MEGF11: variants seen among roughly 807,000 people sequenced by gnomAD.
MEGF11 encodes multiple EGF like domains 11, also known as multiple epidermal growth factor-like domains protein 11.
Under a neutral mutation model 146.6 loss-of-function variants are expected in MEGF11, and 126 were observed. The observed-to-expected ratio is 0.86, with a 90% CI of 0.74 to 1.00. The LOEUF is 1.00. Among genes scored for constraint, MEGF11 ranks in the 50% least tolerant of loss-of-function variants. The pLI, the probability that MEGF11 is intolerant of heterozygous loss-of-function variation, is 0.00. For missense variants in MEGF11, 1,509 were observed against 1,521.2 expected (o/e 0.99, Z 0.13); for synonymous variants, 532 against 583.4 (o/e 0.91, Z 1.27).
intron 5 of MEGF11, among the ~76,000 whole-genome samples, chr15:65,987,139 T>A (rs147129194): frequency 7.6e-4 from 115 of 152,314 alleles, no homozygotes; most frequent in East Asian, 4.2e-3. Context: ...ACCACCGTCT[T>A]CTTCACCGAC....
intron 1 of MEGF11, among the ~76,000 whole-genome samples, chr15:66,137,348 C>T (rs924234787): frequency 2.0e-5 from 3 of 152,068 alleles, no homozygotes; most frequent in African/African-American, 7.2e-5. Context: ...AATTCACCGA[C>T]GTGGGAAGAT....
chr15:66,026,585 G>A (rs900982846), intron 5 of MEGF11, among the ~76,000 whole-genome samples: 1 of 152,158 alleles, frequency 6.6e-6, no homozygotes, highest in Non-Finnish European at 1.5e-5. Context: ...CCTGCTTCAA[G>A]GGATTCTCCT....
At chr15:65,950,341 T>C (rs2080353866) in intron 10 of MEGF11, among the ~76,000 whole-genome samples, 1 of 152,008 alleles carries the variant, frequency 6.6e-6, no homozygotes, top group East Asian at 1.9e-4. Context: ...ATCCAACATT[T>C]TGGGAGGCCA....
rs539502328 is a variant in MEGF11 at position 65,955,941 on chromosome 15, C to T, written c.1287+1606G>A. ...ACTTCACATCTCAATTCAGAACTAG[C>T]CACATTTCAGTTTGAACAATGTTTT... On this transcript the variant is annotated intron_variant, in intron 10 of 25. Transcript: ENST00000395614. 4.1e-5 allele frequency among the ~76,000 whole-genome samples: 6 copies of T among 145,826 alleles called. No homozygotes were observed. The South Asian group carries it at 1.3e-3, about 32-fold the overall frequency.
At chr15:65,937,644 T>A (rs1200644082) in intron 10 of MEGF11, among the ~76,000 whole-genome samples, 1 of 152,220 alleles carries the variant, frequency 6.6e-6, no homozygotes, top group Non-Finnish European at 1.5e-5. Context: ...ATTGGACAAA[T>A]ACAATTTGGC....
At chr15:65,974,515 C>T (rs11633616) in intron 7 of MEGF11, among the ~76,000 whole-genome samples, 7,218 of 152,104 alleles carry the variant, frequency 0.047, 271 homozygotes, top group Non-Finnish European at 0.069. Flanking sequence ...AAAAATCAGG[C>T]GTGATGGCAG....
chr15:66,149,208 A>G (rs1272156676), intron 1 of MEGF11, among the ~76,000 whole-genome samples: 1 of 152,232 alleles, frequency 6.6e-6, no homozygotes, highest in Non-Finnish European at 1.5e-5. Flanking sequence ...CTCTACTGGA[A>G]GAATCATAAA....
chr15:66,198,945 A>T lies in MEGF11; in HGVS notation c.-9+54660T>A, dbSNP rs1401098991. 3.9e-5 allele frequency among the ~76,000 whole-genome samples: 6 copies of T among 152,188 alleles called. 1 individual carries two copies. In the South Asian group the frequency reaches 1.2e-3, roughly 32 times the overall value. On this transcript the variant is annotated intron_variant, in intron 1 of 25. Coordinates refer to ENST00000395614, the MANE Select transcript of MEGF11 (RefSeq NM_001385028.1). ...CTGACTTTCAAATCACTTGTAAAAA[A>T]GTTAAATAATCATCTCTGGAGTAAG... is the stretch of plus-strand genomic sequence containing the variant.
intron 22 of MEGF11, among the ~76,000 whole-genome samples, chr15:65,909,339 C>T (rs2141176156): frequency 6.6e-6 from 1 of 152,100 alleles, no homozygotes; most frequent in East Asian, 1.9e-4. Flanking sequence ...CCTTGTTTCC[C>T]CTCTCCTTCC....
chr15:66,075,269 C>G (rs1255802578), intron 5 of MEGF11, among the ~76,000 whole-genome samples: 1 of 152,214 alleles, frequency 6.6e-6, no homozygotes, highest in Non-Finnish European at 1.5e-5. Flanking sequence ...CTAGAGAATT[C>G]TATCAGATTA....
At chr15:66,084,180 G>A (rs1299663332) in intron 5 of MEGF11, among the ~76,000 whole-genome samples, 8 of 152,106 alleles carry the variant, frequency 5.3e-5, no homozygotes, top group Non-Finnish European at 7.4e-5. Context: ...GTCAGTCACC[G>A]ACACAAACAT....
chr15:66,006,041 T>C (rs1229556435), intron 5 of MEGF11, among the ~76,000 whole-genome samples: 1 of 152,188 alleles, frequency 6.6e-6, no homozygotes, highest in Non-Finnish European at 1.5e-5. Context: ...CGCTGTACGA[T>C]GTTTGGTATT....
At chr15:66,131,076 T>C (rs906242960) in intron 1 of MEGF11, among the ~76,000 whole-genome samples, 1 of 152,256 alleles carries the variant, frequency 6.6e-6, no homozygotes, top group Non-Finnish European at 1.5e-5. Flanking sequence ...CTGGTTCTCT[T>C]CCCTCTGGTC....
intron 10 of MEGF11, among the ~76,000 whole-genome samples, chr15:65,948,937 C>T (rs566321064): frequency 6.8e-4 from 104 of 152,232 alleles, no homozygotes; most frequent in South Asian, 1.5e-3. Context: ...TCCTCATTCC[C>T]GGTGCTGCAT....
intron 21 of MEGF11, among the ~76,000 whole-genome samples, chr15:65,911,494 C>T (rs1475350458): frequency 6.6e-6 from 1 of 152,190 alleles, no homozygotes; most frequent in East Asian, 1.9e-4. Context: ...TCACGGCAGC[C>T]TCCACCTCCT....
intron 10 of MEGF11, among the ~76,000 whole-genome samples, chr15:65,934,167 T>C (rs2079681694): frequency 6.6e-6 from 1 of 152,234 alleles, no homozygotes; most frequent in Admixed American, 6.5e-5. Flanking sequence ...CCTCTGATAT[T>C]GTGAAATATA....
At chr15:66,133,079 A>T (rs915965982) in intron 1 of MEGF11, among the ~76,000 whole-genome samples, 20 of 152,020 alleles carry the variant, frequency 1.3e-4, no homozygotes, top group Admixed American at 3.9e-4. Context: ...GACACCAAAG[A>T]CCCATCCCAA....
chr15:66,016,449 AAAAC>A (rs1001821150), intron 5 of MEGF11, among the ~76,000 whole-genome samples: 16 of 152,144 alleles, frequency 1.1e-4, no homozygotes, highest in Admixed American at 3.3e-4. Context: ...TTCTAAAAGA[AAAAC>A]AAAGACTCTG....
rs751661770 is a variant in MEGF11 at position 66,246,337 on chromosome 15, CA to C, written c.-9+7267del. Among the ~76,000 whole-genome samples the C allele has an allele frequency of 2.9e-4, 44 of 152,020 alleles. No homozygotes were observed. In the Middle Eastern group the frequency reaches 0.014, roughly 47 times the overall value. ...GCAAGCAGAGTGTATGGAATGGGGG[CA>C]GGGGTACCTGCTCAGGTTTTGAGCC... On this transcript the variant is annotated intron_variant, in intron 1 of 25. Coordinates refer to ENST00000395614, the MANE Select transcript of MEGF11 (RefSeq NM_001385028.1).
Sources: allele counts gnomAD v4.1 joint callset (sites outside exome capture counted in the v4.1 genomes callset), GRCh38; gene constraint gnomAD v4.1.1; transcripts MANE v1.5; gene names NCBI Gene and HGNC (gene_info 2026-07-23, HGNC 2026-07-21).